The following CEP112 variants were observed in gnomAD, a reference collection of about 807,000 sequenced individuals.
CEP112 encodes the protein centrosomal protein of 112 kDa.
CEP112 carries 127 observed loss-of-function variants against 153.0 expected under a neutral mutation model. That is an observed-to-expected ratio of 0.83 (90% confidence interval 0.72 to 0.96). The LOEUF is 0.96. CEP112 is among the 40% of genes least tolerant of loss of function. CEP112 has a pLI of 0.00. For missense variants in CEP112, 1,089 were observed against 1,101.2 expected (o/e 0.99, Z 0.16); for synonymous variants, 358 against 374.4 (o/e 0.96, Z 0.51).
intron 19 of CEP112, among the ~76,000 whole-genome samples, chr17:65,906,060 G>A (rs888694845): frequency 3.3e-5 from 5 of 152,068 alleles, no homozygotes; most frequent in African/African-American, 1.2e-4. Context: ...AAGAAAATGT[G>A]GCACATTTAC....
intron 21 of CEP112, among the ~76,000 whole-genome samples, chr17:65,753,216 T>C (rs1218596509): frequency 1.3e-5 from 2 of 152,174 alleles, no homozygotes; most frequent in African/African-American, 2.4e-5. Flanking sequence ...ATGGTAGTAC[T>C]AAGGCTGAAT....
chr17:65,651,299 T>C (rs956849333), intron 24 of CEP112, among the ~76,000 whole-genome samples: 4 of 152,224 alleles, frequency 2.6e-5, no homozygotes, highest in Non-Finnish European at 5.9e-5. Context: ...TAGTATTCTA[T>C]TGCATATAGA....
intron 23 of CEP112, among the ~76,000 whole-genome samples, chr17:65,742,687 G>C (rs2051203578): frequency 6.6e-6 from 1 of 152,104 alleles, no homozygotes; most frequent in Non-Finnish European, 1.5e-5. Flanking sequence ...AAAGGATGTG[G>C]GCAAAGAACA....
chr17:66,063,023 T>C lies in CEP112; in HGVS notation c.1014A>G (p.Ala338=). 1 of 1,601,792 alleles carries C rather than the reference T, an allele frequency of 6.2e-7. No individual in the cohort carries two copies. Among genetic ancestry groups the C allele is most frequent in the Non-Finnish European group, 8.5e-7 (1 of 1,174,806 alleles). ...TTTGTTCACATATCTTTTTCAGCTC[T>C]GCAATCTGGTCTTCTTTAGTCTCTC... ...VIRETKEDQI[A]ELKKICEQST... Residue 338 remains alanine (A), a synonymous_variant, in exon 11 of 27, where the codon GCA becomes GCG. Transcript: ENST00000535342.
At chr17:65,910,270 A>C (rs2060236764) in intron 19 of CEP112, among the ~76,000 whole-genome samples, 1 of 152,202 alleles carries the variant, frequency 6.6e-6, no homozygotes, top group South Asian at 2.1e-4. Flanking sequence ...ACTGAAATTC[A>C]GAGGAGGACT....
chr17:65,785,573 T>C (rs892665890), intron 21 of CEP112, among the ~76,000 whole-genome samples: 2 of 152,188 alleles, frequency 1.3e-5, no homozygotes, highest in African/African-American at 2.4e-5. Context: ...CTTCTATCTG[T>C]GGGTTGTTCT....
chr17:66,158,721 T>C (rs1211175671), intron 4 of CEP112, among the ~76,000 whole-genome samples: 2 of 152,210 alleles, frequency 1.3e-5, no homozygotes, highest in East Asian at 1.9e-4. Flanking sequence ...GGGAAATTTA[T>C]AGCACCAAAT....
intron 24 of CEP112, among the ~76,000 whole-genome samples, chr17:65,684,436 T>G (rs1377389877): frequency 6.6e-6 from 1 of 152,250 alleles, no homozygotes; most frequent in Non-Finnish European, 1.5e-5. Context: ...CTGTGTATGT[T>G]AATATCCACA....
chr17:65,946,519 G>A (rs761822020), intron 18 of CEP112, among the ~76,000 whole-genome samples: 8 of 152,006 alleles, frequency 5.3e-5, no homozygotes, highest in Non-Finnish European at 1.0e-4. Flanking sequence ...TCTTTCTTCT[G>A]TTCCACTGGT....
chr17:66,170,611 A>C (rs559097313), intron 4 of CEP112, among the ~76,000 whole-genome samples: 5 of 152,170 alleles, frequency 3.3e-5, no homozygotes, highest in African/African-American at 1.2e-4. Flanking sequence ...CCAAACACAA[A>C]AATTAGCCAG....
chr17:65,836,411 A>G (rs1032250777), intron 21 of CEP112, among the ~76,000 whole-genome samples: 2 of 152,222 alleles, frequency 1.3e-5, no homozygotes, highest in Non-Finnish European at 2.9e-5. Context: ...CTTCACCTAT[A>G]AAGACACACA....
At chr17:66,052,568 A>G (rs2066487305) in intron 12 of CEP112, among the ~76,000 whole-genome samples, 1 of 152,102 alleles carries the variant, frequency 6.6e-6, no homozygotes, top group Non-Finnish European at 1.5e-5. Flanking sequence ...CCAGTGTCAC[A>G]GGTCTCTCTG....
chr17:65,826,980 C>T (rs2056865398), intron 21 of CEP112, among the ~76,000 whole-genome samples: 1 of 152,196 alleles, frequency 6.6e-6, no homozygotes, highest in Non-Finnish European at 1.5e-5. Flanking sequence ...CAGCTGCCTG[C>T]ATGGACAGAA....
intron 11 of CEP112, among the ~76,000 whole-genome samples, chr17:66,057,174 G>C (rs1390086674): frequency 1.3e-5 from 2 of 152,138 alleles, no homozygotes; most frequent in African/African-American, 4.8e-5. Flanking sequence ...GAATGACGAC[G>C]GACAGACTGG....
intron 24 of CEP112, among the ~76,000 whole-genome samples, chr17:65,651,358 C>A (rs1288112450): frequency 6.6e-6 from 1 of 152,112 alleles, no homozygotes; most frequent in Non-Finnish European, 1.5e-5. Flanking sequence ...TGGGTTGGTT[C>A]CACGTTTATG....
intron 23 of CEP112, among the ~76,000 whole-genome samples, chr17:65,721,320 A>T (rs1239216171): frequency 6.6e-6 from 1 of 152,126 alleles, no homozygotes; most frequent in African/African-American, 2.4e-5. Context: ...TTTAAGTTCT[A>T]TATCTCTCTT....
chr17:65,639,788 T>C (rs1029960837), intron 25 of CEP112, among the ~76,000 whole-genome samples: 4 of 151,762 alleles, frequency 2.6e-5, no homozygotes, highest in Non-Finnish European at 4.4e-5. Flanking sequence ...TAGAAGTTTT[T>C]CTCACATCGT....
intron 6 of CEP112, among the ~76,000 whole-genome samples, chr17:66,129,422 C>T (rs546847839): frequency 6.6e-6 from 1 of 152,252 alleles, no homozygotes; most frequent in South Asian, 2.1e-4. Context: ...CCCTTCCCTC[C>T]CCTCCACCTC....
intron 20 of CEP112, among the ~76,000 whole-genome samples, chr17:65,878,529 C>T (rs1286111407): frequency 6.6e-6 from 1 of 152,064 alleles, no homozygotes; most frequent in Admixed American, 6.6e-5. Flanking sequence ...GTTTGGGGGA[C>T]ACTCATCAGT....
Sources: gnomAD v4.1 joint callset for allele counts (sites outside exome capture counted in the v4.1 genomes callset) on GRCh38, gnomAD v4.1.1 for gene constraint, MANE v1.5 for transcripts, NCBI Gene and HGNC (gene_info 2026-07-23, HGNC 2026-07-21) for gene names.